The following FHOD3 variants were observed in gnomAD, a reference collection of about 807,000 sequenced individuals.
FHOD3 encodes the protein formin homology 2 domain containing 3.
Under a neutral mutation model 173.0 loss-of-function variants are expected in FHOD3, and 90 were observed. That is an observed-to-expected ratio of 0.52 (90% CI 0.44 to 0.62). The LOEUF (loss-of-function observed/expected upper bound fraction) is 0.62. Among genes scored for constraint, FHOD3 ranks in the 20% least tolerant of loss-of-function variants. FHOD3 has a pLI of 0.00. For synonymous variants in FHOD3, 828 were observed against 823.0 expected (o/e 1.01, Z -0.10); for missense variants, 1,945 against 2,034.7 (o/e 0.96, Z 0.85).
At chr18:36,704,429 C>T (rs2039757697) in intron 17 of FHOD3, among the ~76,000 whole-genome samples, 2 of 152,236 alleles carry the variant, frequency 1.3e-5, no homozygotes, top group South Asian at 4.1e-4. Flanking sequence ...TGCCTGGGCA[C>T]CTGGCCCAAG....
chr18:36,573,084 C>T (rs1436603354), intron 5 of FHOD3, among the ~76,000 whole-genome samples: 4 of 150,906 alleles, frequency 2.7e-5, no homozygotes, highest in Non-Finnish European at 5.9e-5. Context: ...AGAAAGGATG[C>T]ACTAGTAAAA....
intron 4 of FHOD3, among the ~76,000 whole-genome samples, chr18:36,508,403 G>A (rs1453834887): frequency 6.6e-6 from 1 of 152,124 alleles, no homozygotes; most frequent in Non-Finnish European, 1.5e-5. Context: ...CAAGTCTGGA[G>A]TAGGAAACGT....
intron 5 of FHOD3, among the ~76,000 whole-genome samples, chr18:36,516,108 C>T (rs1599469893): frequency 6.6e-6 from 1 of 152,262 alleles, no homozygotes; most frequent in East Asian, 1.9e-4. Flanking sequence ...AACAATTTCT[C>T]ACGTAGGCTT....
Position 36,709,052 on chromosome 18 carries a change from A to G in FHOD3, c.2237-43A>G, listed in dbSNP as rs773052174. The G allele has an allele frequency of 6.9e-6, 11 of 1,587,118 alleles. No homozygotes were observed. The South Asian group carries it at 1.0e-4, about 15-fold the overall frequency. ...ATTCTCACCTCACTTCACCCTTCCAAGAAATCTGTCGTCAATATAATCTCC... is the reference window on the plus strand; with the variant it reads ...ATTCTCACCTCACTTCACCCTTCCAGGAAATCTGTCGTCAATATAATCTCC... On this transcript the variant is annotated intron_variant, in intron 17 of 28. Transcript: ENST00000590592.
chr18:36,377,759 C>T (rs1490578348), intron 3 of FHOD3, among the ~76,000 whole-genome samples: 1 of 152,214 alleles, frequency 6.6e-6, no homozygotes, highest in Non-Finnish European at 1.5e-5. Flanking sequence ...CTGTATGCTG[C>T]AGAAAGGGAG....
intron 2 of FHOD3, among the ~76,000 whole-genome samples, chr18:36,367,706 A>G (rs1402779240): frequency 6.6e-6 from 1 of 152,168 alleles, no homozygotes; most frequent in East Asian, 1.9e-4. Context: ...CACAGAACCA[A>G]GAGAATATCT....
chr18:36,553,818 T>A (rs1337332940), intron 5 of FHOD3, among the ~76,000 whole-genome samples: 1 of 152,078 alleles, frequency 6.6e-6, no homozygotes, highest in African/African-American at 2.4e-5. Flanking sequence ...TATCAAAAAG[T>A]GGGCGAAGGA....
At chr18:36,713,751 T>C (rs992839517) in intron 18 of FHOD3, among the ~76,000 whole-genome samples, 1 of 152,184 alleles carries the variant, frequency 6.6e-6, no homozygotes, top group Admixed American at 6.5e-5. Flanking sequence ...AATTATCACA[T>C]GTACCCCAAA....
chr18:36,339,069 G>A (rs900079422), intron 1 of FHOD3, among the ~76,000 whole-genome samples: 3 of 152,104 alleles, frequency 2.0e-5, no homozygotes, highest in Non-Finnish European at 4.4e-5. Flanking sequence ...TTTTCTCAGG[G>A]TGGGGCCCCA....
At chr18:36,576,643 C>A in intron 6 of FHOD3, 98 bp downstream of exon 6, 1 of 872,966 alleles carries the variant, frequency 1.1e-6, no homozygotes, top group Non-Finnish European at 1.8e-6. Flanking sequence ...TTTTATTCAG[C>A]TTTTTTCAAG....
chr18:36,442,104 C>T (rs560235332), intron 3 of FHOD3, among the ~76,000 whole-genome samples: 7 of 152,312 alleles, frequency 4.6e-5, no homozygotes, highest in Non-Finnish European at 1.0e-4. Flanking sequence ...TTAGGAACTT[C>T]CAGACACTGG....
intron 3 of FHOD3, among the ~76,000 whole-genome samples, chr18:36,380,749 G>T (rs1461994888): frequency 6.6e-6 from 1 of 151,562 alleles, no homozygotes. Flanking sequence ...TGCTACAAAG[G>T]TTATTAGTTT....
At chr18:36,763,509 A>T (rs1420975372) in intron 27 of FHOD3, among the ~76,000 whole-genome samples, 1 of 142,110 alleles carries the variant, frequency 7.0e-6, no homozygotes, top group Non-Finnish European at 1.6e-5. Context: ...TAATATGTGT[A>T]TTATACACGT....
chr18:36,595,940 A>G (rs1189285843), intron 7 of FHOD3, among the ~76,000 whole-genome samples: 6 of 152,216 alleles, frequency 3.9e-5, no homozygotes, highest in Non-Finnish European at 1.5e-5. Flanking sequence ...CAATCATAAA[A>G]ACTTGGGAAA....
chr18:36,669,345 G>A (rs1047310013), intron 14 of FHOD3, among the ~76,000 whole-genome samples: 11 of 151,732 alleles, frequency 7.2e-5, no homozygotes, highest in African/African-American at 2.7e-4. Flanking sequence ...TATGTTTCTT[G>A]TAGGCAATAT....
intron 28 of FHOD3, 192 bp from the exon 29 acceptor site, chr18:36,779,256 C>T (rs2043923386): frequency 1.9e-5 from 11 of 585,024 alleles, no homozygotes; most frequent in Non-Finnish European, 3.0e-6. Context: ...TGTGTAGCCC[C>T]AAACTTTTGT....
rs142640038 is a variant in FHOD3, at chr18:36,740,751, G to T, written c.3672G>T (p.Gln1224His). 3 of 1,613,974 alleles carry T rather than the reference G, an allele frequency of 1.9e-6. No homozygotes were observed. Among genetic ancestry groups the T allele is most frequent in the Non-Finnish European group, 2.5e-6 (3 of 1,180,022 alleles). ...AAATCCCCCTGGGCAGTGCAGAGCA[G>T]TTCCTCCTCACCCTGTCCTCCATCA... is the stretch of plus-strand genomic sequence containing the variant. ...NPEIPLGSAE[Q>H]FLLTLSSISE... The change falls in exon 21 of 29, where the codon CAG (glutamine) becomes CAT (histidine). Residue 1224 changes from glutamine to histidine, a missense_variant. Physicochemically the swap from Gln to His is conservative, Grantham distance 24. Around this residue, in one of 5 missense-constraint regions of FHOD3, gnomAD observed 231 missense variants for 321.9 expected, o/e 0.72. Coordinates refer to ENST00000590592, the MANE Select transcript of FHOD3 (RefSeq NM_001281740.3).
At chr18:36,598,227 G>A (rs3859360) in intron 7 of FHOD3, among the ~76,000 whole-genome samples, 42,559 of 152,060 alleles carry the variant, frequency 0.28, 6,148 homozygotes, top group East Asian at 0.36. Flanking sequence ...GTGGACATAT[G>A]AGCAGTTGTC....
At chr18:36,571,450 C>T (rs1237204276) in intron 5 of FHOD3, among the ~76,000 whole-genome samples, 4 of 152,164 alleles carry the variant, frequency 2.6e-5, no homozygotes, top group African/African-American at 9.7e-5. Context: ...GATGTCAGTT[C>T]TCCTAGAATT....
Sources: allele counts gnomAD v4.1 joint callset (sites outside exome capture counted in the v4.1 genomes callset), GRCh38; gene constraint gnomAD v4.1.1; regional missense constraint gnomAD v4.1.1; transcripts MANE v1.5; gene names NCBI Gene and HGNC (gene_info 2026-07-23, HGNC 2026-07-21).